TPRG1: variants seen among roughly 807,000 people sequenced by gnomAD.
TPRG1 encodes the protein tumor protein p63-regulated gene 1 protein.
In TPRG1, 29 loss-of-function variants were observed where a neutral mutation model predicts 29.3. The ratio of observed to expected loss-of-function variants is 0.99; its 90% CI spans 0.74 to 1.35. The LOEUF (loss-of-function observed/expected upper bound fraction) is 1.35, where lower values mean the gene tolerates loss of function less well. Ranked by LOEUF, TPRG1 falls within the 40% of genes most tolerant of loss-of-function variation. TPRG1 has a pLI of 0.00. For missense variants in TPRG1, 327 were observed against 335.0 expected (o/e 0.98, Z 0.19); for synonymous variants, 130 against 116.8 (o/e 1.11, Z -0.73).
At chr3:189,151,950 A>G (rs923680067) in intron 5 of TPRG1, among the ~76,000 whole-genome samples, 1 of 152,074 alleles carries the variant, frequency 6.6e-6, no homozygotes, top group Non-Finnish European at 1.5e-5. Context: ...TTAAGGACAC[A>G]CTTGTGAAAT....
chr3:189,178,771 G>A (rs954380375), intron 1 of TPRG1, among the ~76,000 whole-genome samples: 3 of 152,170 alleles, frequency 2.0e-5, no homozygotes, highest in African/African-American at 4.8e-5. Flanking sequence ...TAATTTTGGA[G>A]ATAACTTATA....
intron 1 of TPRG1, among the ~76,000 whole-genome samples, chr3:189,196,571 G>T (rs534781096): frequency 6.6e-6 from 1 of 152,038 alleles, no homozygotes; most frequent in Non-Finnish European, 1.5e-5. Flanking sequence ...ATCAGATCTC[G>T]TGATACTTAC....
At chr3:189,199,425 A>G (rs1733089584) in intron 1 of TPRG1, among the ~76,000 whole-genome samples, 1 of 152,226 alleles carries the variant, frequency 6.6e-6, no homozygotes, top group Non-Finnish European at 1.5e-5. Context: ...TCAAATTTGA[A>G]CATTTTTCCC....
intron 4 of TPRG1, among the ~76,000 whole-genome samples, chr3:189,049,855 A>T (rs1011078470): frequency 6.6e-6 from 1 of 152,234 alleles, no homozygotes; most frequent in Non-Finnish European, 1.5e-5. Flanking sequence ...ACCAGCCAGG[A>T]TGGAAATTTA....
At chr3:189,256,171 C>A (rs552952455) in intron 4 of TPRG1, among the ~76,000 whole-genome samples, 5 of 152,298 alleles carry the variant, frequency 3.3e-5, no homozygotes, top group African/African-American at 1.2e-4. Flanking sequence ...TTTCCTTCTA[C>A]CTACTGCCTT....
chr3:189,073,450 G>C (rs1716924593), intron 4 of TPRG1, among the ~76,000 whole-genome samples: 1 of 152,030 alleles, frequency 6.6e-6, no homozygotes, highest in African/African-American at 2.4e-5. Flanking sequence ...TCGCCCCTTT[G>C]GATGAAAGGT....
chr3:189,267,747 T>C (rs749560109), intron 4 of TPRG1: 4 of 152,244 alleles, frequency 2.6e-5, no homozygotes, highest in Non-Finnish European at 5.9e-5. Context: ...GTTTTATTTA[T>C]TTTGATTGAC....
chr3:189,071,673 A>G (rs141061236), intron 4 of TPRG1, among the ~76,000 whole-genome samples: 1 of 152,326 alleles, frequency 6.6e-6, no homozygotes, highest in East Asian at 1.9e-4. Flanking sequence ...TCTGCCTGAC[A>G]CCTTTCAGCA....
At chr3:189,204,037 C>CTAA (rs1733915597) in intron 1 of TPRG1, among the ~76,000 whole-genome samples, 1 of 87,916 alleles carries the variant, frequency 1.1e-5, no homozygotes, top group Non-Finnish European at 2.3e-5. Context: ...GAGACTGTCT[C>CTAA]AAAAAAAAAA....
intron 1 of TPRG1, among the ~76,000 whole-genome samples, chr3:189,205,837 G>A (rs1734240550): frequency 6.6e-6 from 1 of 152,084 alleles, no homozygotes; most frequent in Non-Finnish European, 1.5e-5. Flanking sequence ...TAAACCATGT[G>A]TGATCATTAC....
chr3:189,016,785 C>T (rs1162269184), intron 3 of TPRG1, among the ~76,000 whole-genome samples: 2 of 152,172 alleles, frequency 1.3e-5, no homozygotes, highest in Non-Finnish European at 1.5e-5. Context: ...ATGTCCCTTG[C>T]TTCCCCTTCA....
intron 3 of TPRG1, among the ~76,000 whole-genome samples, chr3:189,235,395 G>A (rs1004904812): frequency 4.0e-5 from 6 of 151,798 alleles, no homozygotes; most frequent in African/African-American, 1.5e-4. Context: ...AAGAGTGAAA[G>A]GGAAGATGGA....
intron 4 of TPRG1, among the ~76,000 whole-genome samples, chr3:189,040,747 G>A (rs945266002): frequency 4.6e-5 from 7 of 152,132 alleles, no homozygotes; most frequent in African/African-American, 1.7e-4. Context: ...TTAAAGAAAC[G>A]ATGGGTAAAA....
chr3:189,318,354 T>C (rs1321038772), intron 5 of TPRG1, among the ~76,000 whole-genome samples: 3 of 152,048 alleles, frequency 2.0e-5, no homozygotes, highest in African/African-American at 7.2e-5. Context: ...GAGGTATAGG[T>C]ATAGGAAACA....
upstream of TPRG1, among the ~76,000 whole-genome samples, chr3:189,167,329 C>T (rs767904524): frequency 5.9e-5 from 9 of 152,154 alleles, no homozygotes; most frequent in Non-Finnish European, 1.0e-4. Context: ...CACATTCTCC[C>T]GCCTTGTCTT....
chr3:189,073,298 T>C (rs562535485), intron 4 of TPRG1, among the ~76,000 whole-genome samples: 9 of 152,344 alleles, frequency 5.9e-5, no homozygotes, highest in South Asian at 2.1e-4. Context: ...AACTCTGGCT[T>C]CCAGGGATAT....
At chr3:189,172,873 G>A (rs1227563577) in intron 1 of TPRG1, among the ~76,000 whole-genome samples, 2 of 152,172 alleles carry the variant, frequency 1.3e-5, no homozygotes, top group Admixed American at 6.5e-5. Context: ...CTCTCCAAAT[G>A]TCAGAGGCAG....
chr3:189,031,353 G>A (rs990852582), intron 4 of TPRG1, among the ~76,000 whole-genome samples: 2 of 152,004 alleles, frequency 1.3e-5, no homozygotes, highest in African/African-American at 2.4e-5. Context: ...AAGCGAACAA[G>A]GCAATTCTTT....
chr3:189,114,791 A>C (rs908459494), intron 1 of TPRG1, among the ~76,000 whole-genome samples: 2 of 152,170 alleles, frequency 1.3e-5, no homozygotes, highest in Admixed American at 1.3e-4. Context: ...TGGGTAATAG[A>C]AATGCTATAG....
Sources: gnomAD v4.1 joint callset for allele counts (sites outside exome capture counted in the v4.1 genomes callset) on GRCh38, gnomAD v4.1.1 for gene constraint, MANE v1.5 for transcripts, NCBI Gene and HGNC (gene_info 2026-07-23, HGNC 2026-07-21) for gene names.